The following SH2B2 variants were observed in gnomAD, a reference collection of about 807,000 sequenced individuals.
The protein encoded by SH2B2 is SH2B adaptor protein 2, also known as SH2B adapter protein 2.
A neutral mutation model predicts 35.7 loss-of-function variants in SH2B2; 37 were observed. The ratio of observed to expected loss-of-function variants is 1.04; its 90% CI spans 0.80 to 1.36. SH2B2 has a LOEUF of 1.36. Ranked by LOEUF, SH2B2 falls within the 40% of genes most tolerant of loss-of-function variation. The pLI, the probability that SH2B2 is intolerant of heterozygous loss-of-function variation, is 0.00. For synonymous variants in SH2B2, 383 were observed against 376.4 expected (o/e 1.02, Z -0.20); for missense variants, 852 against 817.7 (o/e 1.04, Z -0.51).
chr7:102,302,136 C>T (rs1014796004), intron 2 of SH2B2, among the ~76,000 whole-genome samples: 1 of 152,244 alleles, frequency 6.6e-6, no homozygotes, highest in Admixed American at 6.5e-5. Context: ...GCTGGGATTA[C>T]AAGCATGAGC....
chr7:102,318,667 C>A (rs1554557643), intron 7 of SH2B2, among the ~76,000 whole-genome samples: 1 of 152,130 alleles, frequency 6.6e-6, no homozygotes, highest in Non-Finnish European at 1.5e-5. Flanking sequence ...GGGACAGTGT[C>A]TCTCTGCAGG....
chr7:102,305,651 A>G lies in SH2B2; in HGVS notation c.730-1070A>G, dbSNP rs927899717. Among the ~76,000 whole-genome samples the G allele has an allele frequency of 2.6e-5, 4 of 152,146 alleles. No individual in the cohort carries two copies. In the East Asian group the frequency reaches 7.7e-4, roughly 29 times the overall value. On this transcript the variant is annotated intron_variant, in intron 2 of 8. Transcript: ENST00000444095. ...GGAAGGGTAACTATTGTCTGGTGAGATGTTTGTTTCAGAGATATTTTTACC... is the reference window on the plus strand; with the variant it reads ...GGAAGGGTAACTATTGTCTGGTGAGGTGTTTGTTTCAGAGATATTTTTACC...
At chr7:102,286,729 CG>C (rs1792460567), upstream of SH2B2, among the ~76,000 whole-genome samples, 1 of 133,172 alleles carries the variant, frequency 7.5e-6, no homozygotes, top group African/African-American at 2.8e-5. Flanking sequence ...CGCGGATGGC[CG>C]GGGGCGGGGC....
intron 8 of SH2B2, 60 bp from the exon 9 acceptor site, chr7:102,321,221 CCTTGAGGGATCCCGGCCT>C: frequency 8.2e-7 from 1 of 1,213,502 alleles, no homozygotes; most frequent in South Asian, 2.3e-5. Context: ...GGCCCTGGCC[CCTTGAGGGATCCCGGCCT>C]CCCTGCAGGA....
In SH2B2 at chr7:102,321,361, C is replaced by T; in HGVS notation, c.1630C>T (p.Gln544Ter). The T allele has an allele frequency of 7.0e-7, 1 of 1,436,846 alleles. No individual in the cohort carries two copies. Among genetic ancestry groups the T allele is most frequent in the Non-Finnish European group, 9.1e-7 (1 of 1,100,038 alleles). 89.0% of individuals were successfully genotyped at this position (1,436,846 alleles called of 1,614,324 possible). A position where few individuals can be genotyped will look rare whatever the true frequency, so the allele number is the denominator to read the frequency against. Residue 544 changes from glutamine (Q) to a stop codon, truncating the protein, a stop_gained, in exon 9 of 9, where the codon CAG (glutamine) becomes TAG (stop). Coordinates refer to ENST00000444095, the MANE Select transcript of SH2B2 (RefSeq NM_001359228.2). LOFTEE classifies it low-confidence loss of function (END_TRUNC). ...GGCCTGCTGGAGCGACTCGCCCGGC[C>T]AGCACTACTTCTCCAGCCTCGCCGC... Reference protein sequence around the residue: ...SPACWSDSPGQHYFSSLAAAA... With the variant: ...SPACWSDSPG
intron 6 of SH2B2, among the ~76,000 whole-genome samples, chr7:102,316,888 G>A (rs948383272): frequency 1.1e-4 from 16 of 151,708 alleles, no homozygotes; most frequent in Middle Eastern, 3.2e-3. Context: ...GTGTGGTGGT[G>A]GGCGCCTGTA....
At chr7:102,301,774 T>C (rs1793207897) in intron 2 of SH2B2, among the ~76,000 whole-genome samples, 1 of 152,142 alleles carries the variant, frequency 6.6e-6, no homozygotes, top group Non-Finnish European at 1.5e-5. Flanking sequence ...GGTTTTGCCA[T>C]GTTGGCCAGG....
Position 102,317,396 on chromosome 7 carries a change from G to T in SH2B2, c.1395+1G>T. The stretch of plus-strand genomic sequence containing the variant: ...CTTCAACTTCCAGGGCAAGGCCAAG[G>T]CAAGTGTGTGGGGGGCGCCATGGGG... On this transcript the variant is annotated splice_donor_variant, in intron 7 of 8. Coordinates refer to ENST00000444095, the MANE Select transcript of SH2B2 (RefSeq NM_001359228.2). LOFTEE classifies it high-confidence loss of function. The T allele has an allele frequency of 6.4e-7, 1 of 1,568,496 alleles. No homozygotes were observed. Among genetic ancestry groups the T allele is most frequent in the Non-Finnish European group, 8.7e-7 (1 of 1,149,950 alleles).
At chr7:102,310,055 C>T (rs115470486) in intron 4 of SH2B2, among the ~76,000 whole-genome samples, 3,061 of 152,252 alleles carry the variant, frequency 0.02, 110 homozygotes, top group African/African-American at 0.071. Context: ...GTGGTTCATG[C>T]CCATAGTCCC....
intron 1 of SH2B2, among the ~76,000 whole-genome samples, chr7:102,299,882 G>A (rs1554553200): frequency 6.6e-6 from 1 of 152,188 alleles, no homozygotes; most frequent in African/African-American, 2.4e-5. Flanking sequence ...ATGAATGCAG[G>A]ACTGCCCCTT....
chr7:102,293,611 G>A (rs1792783834), intron 1 of SH2B2, among the ~76,000 whole-genome samples: 1 of 152,080 alleles, frequency 6.6e-6, no homozygotes, highest in South Asian at 2.1e-4. Flanking sequence ...ACCACAGGGG[G>A]CCCTGGCTGG....
rs543940976 is a variant in SH2B2, at chr7:102,321,588, C to T, written c.1857C>T (p.Pro619=). Residue 619 remains proline (P), a synonymous_variant, in exon 9 of 9, where the codon CCC becomes CCT. Transcript: ENST00000444095. ...TAAEEPPEAA[P]GRARAVENQY... is the part of the protein sequence containing the mutation. ...CCGAGGAGCCCCCGGAGGCCGCGCC[C>T]GGCCGCGCGCGCGCCGTGGAGAACC... 5.2e-6 allele frequency: 6 copies of T among 1,158,968 alleles called. No individual in the cohort carries two copies. In the South Asian group the frequency reaches 1.5e-4, roughly 30 times the overall value. The allele number at this position is 1,158,968 out of a possible 1,614,324, so 71.8% of individuals were successfully genotyped here. A position where few individuals can be genotyped will look rare whatever the true frequency, so the allele number is the denominator to read the frequency against.
chr7:102,286,358 T>G (rs2132874874), upstream of SH2B2, among the ~76,000 whole-genome samples: 1 of 152,250 alleles, frequency 6.6e-6, no homozygotes, highest in African/African-American at 2.4e-5. Flanking sequence ...TCCTCCAGGC[T>G]CCCATTGTCC....
intron 5 of SH2B2, 23 bp from the exon 6 acceptor site, chr7:102,314,489 C>A: frequency 2.5e-6 from 1 of 398,736 alleles, no homozygotes; most frequent in Non-Finnish European, 4.4e-6. Context: ...AAGATACGTG[C>A]ATCTTACCTG....
At chr7:102,293,415 C>A (rs1284589208) in intron 1 of SH2B2, among the ~76,000 whole-genome samples, 5 of 151,482 alleles carry the variant, frequency 3.3e-5, no homozygotes, top group African/African-American at 4.8e-5. Flanking sequence ...GCCCTCCTCG[C>A]TCCATCCCCC....
chr7:102,318,464 T>G (rs1314604129), intron 7 of SH2B2, among the ~76,000 whole-genome samples: 3 of 152,026 alleles, frequency 2.0e-5, no homozygotes, highest in Non-Finnish European at 4.4e-5. Flanking sequence ...CAAAGGAAAA[T>G]TTGACAGCAA....
At chr7:102,317,054 CT>C in intron 6 of SH2B2, 132 bp from the exon 7 acceptor site, 1 of 778,170 alleles carries the variant, frequency 1.3e-6, no homozygotes. Flanking sequence ...AACCAACCAA[CT>C]TTTTAAACAT....
At chr7:102,286,357 C>A (rs534802901), upstream of SH2B2, among the ~76,000 whole-genome samples, 121 of 152,356 alleles carry the variant, frequency 7.9e-4, no homozygotes, top group African/African-American at 2.8e-3. Context: ...CTCCTCCAGG[C>A]TCCCATTGTC....
intron 4 of SH2B2, 136 bp downstream of exon 4, chr7:102,309,042 C>G (rs1793511432): frequency 2.6e-6 from 2 of 778,202 alleles, no homozygotes; most frequent in South Asian, 1.4e-5. Context: ...CAGGTTGGTG[C>G]CAGCCAGGAT....
Sources: gnomAD v4.1 joint callset for allele counts (sites outside exome capture counted in the v4.1 genomes callset) on GRCh38, gnomAD v4.1.1 for gene constraint, MANE v1.5 for transcripts, NCBI Gene and HGNC (gene_info 2026-07-23, HGNC 2026-07-21) for gene names.